Variants in GLIS3 observed in about 807,000 individuals in gnomAD.
GLIS3 encodes the protein GLIS family zinc finger 3.
GLIS3 carries 53 observed loss-of-function variants against 78.6 expected under a neutral mutation model. The ratio of observed to expected loss-of-function variants is 0.67; its 90% CI spans 0.54 to 0.85. The LOEUF (loss-of-function observed/expected upper bound fraction) is 0.85, where lower values mean the gene tolerates loss of function less well. Among genes scored for constraint, GLIS3 ranks in the 40% least tolerant of loss-of-function variants. GLIS3 has a pLI of 0.00. For missense variants in GLIS3, 1,703 were observed against 1,231.1 expected (o/e 1.38, Z -5.74); for synonymous variants, 684 against 509.9 (o/e 1.34, Z -4.60).
chr9:4,221,737 C>G (rs535429556), intron 2 of GLIS3, among the ~76,000 whole-genome samples: 1 of 152,166 alleles, frequency 6.6e-6, no homozygotes, highest in Non-Finnish European at 1.5e-5. Flanking sequence ...TACAAAGGAG[C>G]AGAAATGGTG....
Position 3,865,437 on chromosome 9 carries a change from T to C in GLIS3, c.2298-9253A>G, listed in dbSNP as rs187902844. On this transcript the variant is annotated intron_variant, in intron 8 of 10. Transcript: ENST00000381971. ...GTCAGAGAGGAAGCACTTTGGAATA[T>C]GTGGATGTCTTGACTCAGGCTAGAA... 2.0e-5 allele frequency among the ~76,000 whole-genome samples: 3 copies of C among 152,346 alleles called. No homozygotes were observed. In the East Asian group the frequency reaches 5.8e-4, roughly 29 times the overall value.
chr9:3,833,409 T>A (rs938162027), intron 9 of GLIS3, among the ~76,000 whole-genome samples: 3 of 152,206 alleles, frequency 2.0e-5, no homozygotes, highest in Middle Eastern at 3.2e-3. Context: ...AAGGCCTAAC[T>A]CATTTTCTGA....
intron 4 of GLIS3, among the ~76,000 whole-genome samples, chr9:4,030,484 T>A (rs10974286): frequency 0.12 from 17,845 of 152,196 alleles, 1,155 homozygotes; most frequent in African/African-American, 0.16. Flanking sequence ...TGCCTGTGTT[T>A]TGTGGGGTAC....
intron 4 of GLIS3, among the ~76,000 whole-genome samples, chr9:4,080,554 C>T (rs1828467566): frequency 6.6e-6 from 1 of 152,096 alleles, no homozygotes; most frequent in Admixed American, 6.5e-5. Context: ...TATTCTACCC[C>T]ATTTAAAATT....
At chr9:3,855,642 G>A in intron 9 of GLIS3, 3 of 337,002 alleles carry the variant, frequency 8.9e-6, no homozygotes, top group Non-Finnish European at 1.7e-5. Flanking sequence ...CTATGAGAAT[G>A]AGAGCAAAAA....
At chr9:4,477,391 A>C in the GLIS3 span, among the ~76,000 whole-genome samples, 1 of 135,288 alleles carries the variant, frequency 7.4e-6, no homozygotes. Context: ...GAGGTGGGGA[A>C]TAGGACATTA....
At chr9:4,177,336 G>A (rs565470586) in intron 2 of GLIS3, among the ~76,000 whole-genome samples, 3 of 152,220 alleles carry the variant, frequency 2.0e-5, no homozygotes, top group South Asian at 2.1e-4. Context: ...CAAAACAGGA[G>A]GTTCACAGAA....
At chr9:4,416,252 T>TTTAAAAAAAAAAAAAA in the GLIS3 span, among the ~76,000 whole-genome samples, 2 of 75,804 alleles carry the variant, frequency 2.6e-5, 1 homozygote, top group South Asian at 9.4e-4. Flanking sequence ...ACACTGTTTT[T>TTTAAAAAAAAAAAAAA]AAAAAAAAAA....
At position 3,887,388 on chromosome 9, in the gene GLIS3, G is replaced by A. The variant is rs1375706294; in HGVS notation, c.2129-7793C>T. On this transcript the variant is annotated intron_variant, in intron 7 of 10. Coordinates refer to ENST00000381971, the MANE Select transcript of GLIS3 (RefSeq NM_001042413.2). The stretch of plus-strand genomic sequence containing the variant: ...GGATAAACAAATGTGTTAGGGAGAT[G>A]TTCTATTAAGGTAAGTGAGGGCACG... Among the ~76,000 whole-genome samples the A allele has an allele frequency of 5.3e-5, 8 of 152,140 alleles. No homozygotes were observed. The East Asian group carries it at 1.5e-3, about 29-fold the overall frequency.
At chr9:3,963,233 C>T (rs1817698650) in intron 4 of GLIS3, among the ~76,000 whole-genome samples, 1 of 152,188 alleles carries the variant, frequency 6.6e-6, no homozygotes, top group Non-Finnish European at 1.5e-5. Context: ...CAAACCTTTG[C>T]TCATTTCTGG....
intron 2 of GLIS3, among the ~76,000 whole-genome samples, chr9:4,131,516 G>C (rs953063633): frequency 6.6e-6 from 1 of 152,104 alleles, no homozygotes; most frequent in East Asian, 1.9e-4. Context: ...TCTCGTGTTA[G>C]AGTTCCCATG....
At chr9:4,378,349 T>C in the GLIS3 span, among the ~76,000 whole-genome samples, 1 of 152,158 alleles carries the variant, frequency 6.6e-6, no homozygotes. Context: ...TCAATGTTTA[T>C]CAGAAATATT....
At chr9:4,155,065 T>G (rs1834951867) in intron 2 of GLIS3, among the ~76,000 whole-genome samples, 1 of 152,234 alleles carries the variant, frequency 6.6e-6, no homozygotes, top group East Asian at 1.9e-4. Context: ...ATTTGCTTAC[T>G]AAAATATTAA....
intron 4 of GLIS3, among the ~76,000 whole-genome samples, chr9:3,985,904 T>A (rs1012846101): frequency 1.3e-5 from 2 of 152,208 alleles, no homozygotes; most frequent in African/African-American, 2.4e-5. Flanking sequence ...TAAAACTGTA[T>A]AATATTGCTA....
intron 8 of GLIS3, among the ~76,000 whole-genome samples, chr9:3,872,143 G>A (rs764033836): frequency 9.2e-5 from 14 of 152,154 alleles, no homozygotes; most frequent in Non-Finnish European, 1.8e-4. Context: ...TTCCCAACAA[G>A]TTCCTCATTT....
chr9:4,175,008 T>C (rs1037181211), intron 2 of GLIS3, among the ~76,000 whole-genome samples: 1 of 152,202 alleles, frequency 6.6e-6, no homozygotes, highest in African/African-American at 2.4e-5. Context: ...TGTACTTAAT[T>C]GACAGGGGCA....
chr9:3,895,631 TG>T (rs1822775376), intron 7 of GLIS3, among the ~76,000 whole-genome samples: 1 of 152,214 alleles, frequency 6.6e-6, no homozygotes, highest in Non-Finnish European at 1.5e-5. Flanking sequence ...CTGAAAAGTT[TG>T]TTTCAATGAG....
At chr9:4,470,970 C>T in the GLIS3 span, among the ~76,000 whole-genome samples, 1 of 151,652 alleles carries the variant, frequency 6.6e-6, no homozygotes, top group Non-Finnish European at 1.5e-5. Flanking sequence ...AACAGACAAA[C>T]AGAGAGCCAA....
intron 2 of GLIS3, among the ~76,000 whole-genome samples, chr9:4,202,559 C>A (rs1586963265): frequency 1.3e-5 from 2 of 152,150 alleles, no homozygotes; most frequent in Admixed American, 1.3e-4. Context: ...CATTGCCCAA[C>A]TTCAAACCTT....
Sources: gnomAD v4.1 joint callset for allele counts (sites outside exome capture counted in the v4.1 genomes callset) on GRCh38, gnomAD v4.1.1 for gene constraint, MANE v1.5 for transcripts, NCBI Gene and HGNC (gene_info 2026-07-23, HGNC 2026-07-21) for gene names.